RASAL2: variants seen among roughly 807,000 people sequenced by gnomAD.
The protein encoded by RASAL2 is RAS protein activator like 2.
In RASAL2, 58 loss-of-function variants were observed where a neutral mutation model predicts 128.9. The observed-to-expected ratio is 0.45, with a 90% confidence interval of 0.36 to 0.56. The LOEUF (loss-of-function observed/expected upper bound fraction) is 0.56, where lower values mean the gene tolerates loss of function less well. Among genes scored for constraint, RASAL2 ranks in the 20% least tolerant of loss-of-function variants. RASAL2 has a pLI of 0.00. For synonymous variants in RASAL2, 561 were observed against 580.8 expected, an observed-to-expected ratio of 0.97 and a Z score of 0.49; for missense variants, 1,360 against 1,601.6, an observed-to-expected ratio of 0.85 and a Z score of 2.57.
intron 1 of RASAL2, among the ~76,000 whole-genome samples, chr1:178,249,077 T>C (rs959211097): frequency 1.2e-4 from 19 of 152,170 alleles, no homozygotes; most frequent in African/African-American, 4.6e-4. Flanking sequence ...TGAATTTGAA[T>C]GTTAGCCTGT....
At chr1:178,129,346 T>C (rs562498990) in intron 1 of RASAL2, among the ~76,000 whole-genome samples, 1 of 152,202 alleles carries the variant, frequency 6.6e-6, no homozygotes, top group Non-Finnish European at 1.5e-5. Flanking sequence ...TGATTACTAA[T>C]GATGTTGAAC....
chr1:178,169,566 G>A (rs1427413094), intron 1 of RASAL2, among the ~76,000 whole-genome samples: 4 of 152,078 alleles, frequency 2.6e-5, no homozygotes, highest in Non-Finnish European at 5.9e-5. Context: ...GGAGGTACAA[G>A]CCAAGAGATA....
At chr1:178,191,133 C>T (rs12037925) in intron 1 of RASAL2, among the ~76,000 whole-genome samples, 13,247 of 152,058 alleles carry the variant, frequency 0.087, 613 homozygotes, top group Middle Eastern at 0.13. Flanking sequence ...TAAAATCATC[C>T]AAATGATAGA....
At chr1:178,282,673 A>G (rs1257297520) in intron 1 of RASAL2, among the ~76,000 whole-genome samples, 2 of 152,308 alleles carry the variant, frequency 1.3e-5, no homozygotes, top group South Asian at 2.1e-4. Context: ...TTACTTTAGC[A>G]TAATAACTAA....
chr1:178,381,615 A>G (rs975771551), intron 3 of RASAL2, among the ~76,000 whole-genome samples: 2 of 151,880 alleles, frequency 1.3e-5, no homozygotes, highest in Non-Finnish European at 2.9e-5. Context: ...AATGTCCTCT[A>G]TTAATATTTG....
At chr1:178,361,771 T>C (rs1032530360) in intron 3 of RASAL2, among the ~76,000 whole-genome samples, 1 of 152,062 alleles carries the variant, frequency 6.6e-6, no homozygotes, top group Non-Finnish European at 1.5e-5. Flanking sequence ...TTTCTATTAT[T>C]ATTACATTGT....
intron 1 of RASAL2, among the ~76,000 whole-genome samples, chr1:178,144,985 C>G (rs1660669345): frequency 6.6e-6 from 1 of 152,110 alleles, no homozygotes; most frequent in Non-Finnish European, 1.5e-5. Flanking sequence ...AGTTTAACAT[C>G]TTTGTAAAAA....
chr1:178,135,616 T>C (rs140970888), intron 1 of RASAL2, among the ~76,000 whole-genome samples: 13 of 152,096 alleles, frequency 8.5e-5, no homozygotes, highest in South Asian at 2.1e-4. Context: ...ATATAAAGTA[T>C]AGAAAAGAAA....
At chr1:178,266,384 G>T (rs1482116326) in intron 1 of RASAL2, among the ~76,000 whole-genome samples, 1 of 152,170 alleles carries the variant, frequency 6.6e-6, no homozygotes, top group Non-Finnish European at 1.5e-5. Flanking sequence ...TTTTTGTGAA[G>T]TGAGCATTCA....
At chr1:178,225,973 C>A (rs539906534) in intron 1 of RASAL2, among the ~76,000 whole-genome samples, 1 of 152,270 alleles carries the variant, frequency 6.6e-6, no homozygotes, top group African/African-American at 2.4e-5. Context: ...CAGAACATTT[C>A]AGGCAAATGT....
At chr1:178,464,508 T>TCTTCA in intron 15 of RASAL2, 96 bp downstream of exon 15, 1 of 1,403,124 alleles carries the variant, frequency 7.1e-7, no homozygotes, top group Non-Finnish European at 9.7e-7. Context: ...CCCACCCCCA[T>TCTTCA]CTTCACCTCT....
chr1:178,426,000 C>G (rs1675491054), intron 5 of RASAL2, among the ~76,000 whole-genome samples: 1 of 152,152 alleles, frequency 6.6e-6, no homozygotes, highest in African/African-American at 2.4e-5. Flanking sequence ...TTCCACCCAG[C>G]TCTAGAAAGT....
chr1:178,411,187 CA>C lies in RASAL2; in HGVS notation c.565-9323del, dbSNP rs1481556172. ...GTGTACACACACACACACACACACA[CA>C]CACACCCCATGGAATACTACTCAGT... On this transcript the variant is annotated intron_variant, in intron 4 of 17. Transcript: ENST00000367649. Among the ~76,000 whole-genome samples, 71 of 151,200 alleles carry C rather than the reference CA, an allele frequency of 4.7e-4. No individual in the cohort carries two copies. The South Asian group carries it at 7.1e-3, about 15-fold the overall frequency.
intron 1 of RASAL2, among the ~76,000 whole-genome samples, chr1:178,244,286 A>G (rs1481878302): frequency 2.0e-5 from 3 of 152,038 alleles, no homozygotes; most frequent in Non-Finnish European, 4.4e-5. Context: ...TCTGTCACCC[A>G]GGCTGGACTG....
chr1:178,119,918 A>T (rs1170293001), intron 1 of RASAL2, among the ~76,000 whole-genome samples: 1 of 152,354 alleles, frequency 6.6e-6, no homozygotes, highest in African/African-American at 2.4e-5. Context: ...TTGAAAGTTC[A>T]TGACAGTTGT....
intron 1 of RASAL2, among the ~76,000 whole-genome samples, chr1:178,206,564 T>C (rs1003157246): frequency 2.6e-5 from 4 of 152,208 alleles, no homozygotes; most frequent in Non-Finnish European, 5.9e-5. Context: ...CATAGAAAGC[T>C]TCCTGGCTGC....
At chr1:178,305,641 T>C (rs1476144580) in intron 3 of RASAL2, among the ~76,000 whole-genome samples, 1 of 152,142 alleles carries the variant, frequency 6.6e-6, no homozygotes, top group Admixed American at 6.6e-5. Flanking sequence ...GAAAGTGTGA[T>C]TGACCAGCAG....
At chr1:178,115,897 G>A (rs1659505924) in intron 1 of RASAL2, among the ~76,000 whole-genome samples, 1 of 151,266 alleles carries the variant, frequency 6.6e-6, no homozygotes, top group South Asian at 2.1e-4. Flanking sequence ...ATGGATATGG[G>A]GGCAGGCAGA....
chr1:178,353,412 A>G (rs1670627323), intron 3 of RASAL2, among the ~76,000 whole-genome samples: 1 of 152,220 alleles, frequency 6.6e-6, no homozygotes, highest in Non-Finnish European at 1.5e-5. Context: ...CTAATGCATA[A>G]CAAAAGTGAC....
Sources: gnomAD v4.1 joint callset for allele counts (sites outside exome capture counted in the v4.1 genomes callset) on GRCh38, gnomAD v4.1.1 for gene constraint, MANE v1.5 for transcripts, NCBI Gene and HGNC (gene_info 2026-07-23, HGNC 2026-07-21) for gene names.